The following FMN2 variants were observed in gnomAD, a reference collection of about 807,000 sequenced individuals.
FMN2 encodes the protein formin-2.
In FMN2, 51 loss-of-function variants were observed where a neutral mutation model predicts 142.3. The observed-to-expected ratio is 0.36, with a 90% CI of 0.29 to 0.45. The LOEUF is 0.45. FMN2 is among the 20% of genes least tolerant of loss of function. The pLI is 1.00. For missense variants in FMN2, 1,936 were observed against 2,122.8 expected, an observed-to-expected ratio of 0.91 and a Z score of 1.73; for synonymous variants, 882 against 869.8, an observed-to-expected ratio of 1.01 and a Z score of -0.25.
intron 6 of FMN2, among the ~76,000 whole-genome samples, chr1:240,231,149 G>A (rs925553970): frequency 7.6e-6 from 1 of 131,904 alleles, no homozygotes; most frequent in Admixed American, 7.3e-5. Flanking sequence ...CACGAAGCAG[G>A]TAGACACACA....
chr1:240,470,425 T>C (rs1199337557), intron 16 of FMN2, among the ~76,000 whole-genome samples: 1 of 152,222 alleles, frequency 6.6e-6, no homozygotes, highest in Non-Finnish European at 1.5e-5. Context: ...TTCTAAGTTG[T>C]CATCATTTTC....
intron 14 of FMN2, among the ~76,000 whole-genome samples, chr1:240,381,834 G>C (rs1220475770): frequency 1.3e-5 from 2 of 152,114 alleles, no homozygotes; most frequent in Non-Finnish European, 2.9e-5. Context: ...CTCAAAATAG[G>C]AACCATTTAC....
intron 7 of FMN2, among the ~76,000 whole-genome samples, chr1:240,279,601 G>A (rs1476628726): frequency 6.6e-6 from 1 of 152,098 alleles, no homozygotes; most frequent in Non-Finnish European, 1.5e-5. Flanking sequence ...TGTGAGTGGA[G>A]GAATTAGAAC....
chr1:240,276,410 T>C (rs1395980251), intron 7 of FMN2, among the ~76,000 whole-genome samples: 2 of 152,090 alleles, frequency 1.3e-5, no homozygotes, highest in Non-Finnish European at 1.5e-5. Flanking sequence ...GGGAAGAGTG[T>C]GAGGGACAAT....
chr1:240,236,975 T>G (rs185940546), intron 6 of FMN2, among the ~76,000 whole-genome samples: 1 of 152,352 alleles, frequency 6.6e-6, no homozygotes, highest in Admixed American at 6.5e-5. Flanking sequence ...TTTACAAAGT[T>G]AAGTGACTTA....
chr1:240,124,355 T>G (rs1662414757), intron 2 of FMN2, among the ~76,000 whole-genome samples: 1 of 152,184 alleles, frequency 6.6e-6, no homozygotes. Flanking sequence ...CTCATGTTTG[T>G]GTGAAGTACG....
At chr1:240,150,970 C>A (rs747196621) in intron 2 of FMN2, among the ~76,000 whole-genome samples, 3 of 152,158 alleles carry the variant, frequency 2.0e-5, no homozygotes, top group Non-Finnish European at 4.4e-5. Context: ...CAGTAACCTT[C>A]CCTATATCCA....
chr1:240,296,462 T>TTTTC (rs869187647), intron 8 of FMN2, among the ~76,000 whole-genome samples: 1 of 135,806 alleles, frequency 7.4e-6, no homozygotes, highest in African/African-American at 2.9e-5. Context: ...TTTTTTTTTT[T>TTTTC]ACTTTATTTC....
chr1:240,443,831 A>T (rs1158599836), intron 16 of FMN2, among the ~76,000 whole-genome samples: 1 of 152,118 alleles, frequency 6.6e-6, no homozygotes, highest in Non-Finnish European at 1.5e-5. Context: ...TCTACCAAGC[A>T]TCTCCCTAAG....
chr1:240,297,804 G>A (rs10926206), intron 8 of FMN2, among the ~76,000 whole-genome samples: 89,930 of 151,900 alleles, frequency 0.59, 28,831 homozygotes, highest in African/African-American at 0.85. Context: ...GGCTTATGAA[G>A]TGTTATTTCT....
intron 16 of FMN2, among the ~76,000 whole-genome samples, chr1:240,447,426 A>G (rs1675863262): frequency 6.6e-6 from 1 of 152,216 alleles, no homozygotes; most frequent in Non-Finnish European, 1.5e-5. Context: ...AATGGCCAGT[A>G]AACACATGAA....
At chr1:240,225,125 C>T (rs886453432) in intron 6 of FMN2, among the ~76,000 whole-genome samples, 3 of 152,162 alleles carry the variant, frequency 2.0e-5, no homozygotes, top group African/African-American at 7.2e-5. Flanking sequence ...GCTATTCTGA[C>T]ACAGGGGCAA....
chr1:240,195,378 C>T (rs1034321952), intron 4 of FMN2, among the ~76,000 whole-genome samples: 2 of 152,134 alleles, frequency 1.3e-5, no homozygotes, highest in Admixed American at 1.3e-4. Context: ...AAATTGCCTC[C>T]AGGCATAGAG....
intron 2 of FMN2, among the ~76,000 whole-genome samples, chr1:240,146,346 A>AC (rs1663474216): frequency 6.8e-6 from 1 of 146,578 alleles, no homozygotes. Context: ...GTGAGCTGAG[A>AC]TTGTGCCACT....
At chr1:240,386,671 T>C (rs560282248) in intron 14 of FMN2, among the ~76,000 whole-genome samples, 3 of 152,148 alleles carry the variant, frequency 2.0e-5, no homozygotes, top group Non-Finnish European at 2.9e-5. Context: ...CAGAAAGTAT[T>C]TGTGGAGGTA....
At chr1:240,330,781 A>G in intron 11 of FMN2, 32 bp downstream of exon 11, 4 of 1,600,672 alleles carry the variant, frequency 2.5e-6, no homozygotes, top group South Asian at 1.1e-5. Flanking sequence ...ACGTAAGCAC[A>G]TTGAGGAGTC....
intron 16 of FMN2, among the ~76,000 whole-genome samples, chr1:240,452,125 G>A (rs893044388): frequency 9.9e-5 from 15 of 151,024 alleles, no homozygotes; most frequent in East Asian, 7.8e-4. Flanking sequence ...TGGGAGGCAG[G>A]GGTTGCAGTG....
intron 2 of FMN2, among the ~76,000 whole-genome samples, chr1:240,151,830 G>A (rs780153467): frequency 1.3e-5 from 2 of 151,870 alleles, no homozygotes; most frequent in African/African-American, 2.4e-5. Flanking sequence ...GCAATGCTGC[G>A]ATCATAGCTC....
At chr1:240,390,214 C>T (rs997628073) in intron 14 of FMN2, among the ~76,000 whole-genome samples, 1 of 152,126 alleles carries the variant, frequency 6.6e-6, no homozygotes, top group Non-Finnish European at 1.5e-5. Context: ...TTTGAATACC[C>T]AAATCCCGTT....
Sources: allele counts gnomAD v4.1 joint callset (sites outside exome capture counted in the v4.1 genomes callset), GRCh38; gene constraint gnomAD v4.1.1; transcripts MANE v1.5; gene names NCBI Gene and HGNC (gene_info 2026-07-23, HGNC 2026-07-21).